TBC1D26: variants seen among roughly 807,000 people sequenced by gnomAD.
TBC1D26 encodes the protein TBC1 domain family, member 26.
In TBC1D26, 19 loss-of-function variants were observed where a neutral mutation model predicts 42.5. That is an observed-to-expected ratio of 0.45 (90% CI 0.31 to 0.66). The LOEUF (loss-of-function observed/expected upper bound fraction) is 0.66. TBC1D26 is among the 30% of genes least tolerant of loss of function. TBC1D26 has a pLI of 0.06. For synonymous variants in TBC1D26, 97 were observed against 123.5 expected (o/e 0.79, Z 1.42); for missense variants, 228 against 332.6 (o/e 0.69, Z 2.45).
At chr17:15,741,685 C>G in intron 10 of TBC1D26, 1 of 539,076 alleles carries the variant, frequency 1.9e-6, no homozygotes, top group South Asian at 2.4e-5. Flanking sequence ...CAGCTCCCAC[C>G]CTGTTCTCCC....
At chr17:15,740,872 T>C in intron 9 of TBC1D26, 3 of 634,498 alleles carry the variant, frequency 4.7e-6, no homozygotes, top group Non-Finnish European at 7.6e-6. Context: ...GACTGTGCCC[T>C]TTCGGGCCAT....
At chr17:15,741,895 A>G (rs1326366421) in intron 10 of TBC1D26, 47 bp from the exon 11 acceptor site, 2 of 1,596,764 alleles carry the variant, frequency 1.3e-6, no homozygotes, top group Admixed American at 3.4e-5. Context: ...ATGCCTCCAC[A>G]TTTTGGGCGT....
chr17:15,742,064 A>G lies in TBC1D26; in HGVS notation c.741+28A>G, dbSNP rs757103448. On this transcript the variant is annotated intron_variant, in intron 11 of 14. Transcript: ENST00000437605. ...GAGTGGATGACACCCTCAGCTCCTA[A>G]CCAGACGCCCTGGCCCCCATAGGCC... 13 of 1,602,582 alleles carry G rather than the reference A, an allele frequency of 8.1e-6. No homozygotes were observed. In the Admixed American group the frequency reaches 1.8e-4, roughly 23 times the overall value.
chr17:15,738,369 G>GA lies in TBC1D26; in HGVS notation c.371dup (p.Asn124LysfsTer6). 1.2e-6 allele frequency: 2 copies of GA among 1,613,724 alleles called. No homozygotes were observed. The highest frequency in any genetic ancestry group is 1.7e-6 in the Non-Finnish European group (2 of 1,180,040). On this transcript the variant is annotated frameshift_variant, in exon 7 of 15. Coordinates refer to ENST00000437605, the MANE Select transcript of TBC1D26 (RefSeq NM_001388465.1). LOFTEE classifies it high-confidence loss of function. ...TAGATATTGACAGAATCAAGTCCCAGAACCCAGGCAAATATAAGGTAAGTC... is the reference window on the plus strand; with the variant it reads ...TAGATATTGACAGAATCAAGTCCCAGAAACCCAGGCAAATATAAGGTAAGTC...
chr17:15,737,962 C>A (rs1172244833), intron 5 of TBC1D26, 35 bp from the exon 6 acceptor site: 12 of 1,613,764 alleles, frequency 7.4e-6, no homozygotes, highest in African/African-American at 1.3e-5. Context: ...AGACGCCTGG[C>A]AGCTCCGCTA....
At chr17:15,738,254 T>C in intron 6 of TBC1D26, 26 bp from the exon 7 acceptor site, 1 of 1,613,564 alleles carries the variant, frequency 6.2e-7, no homozygotes, top group Non-Finnish European at 8.5e-7. Context: ...ATGTCCTTTC[T>C]CACTGGAGTG....
chr17:15,741,780 A>G, intron 10 of TBC1D26, 162 bp from the exon 11 acceptor site: 1 of 649,026 alleles, frequency 1.5e-6, no homozygotes, highest in Non-Finnish European at 2.6e-6. Flanking sequence ...GCCTCCAGCC[A>G]GGGACCTCCT....
In TBC1D26 at chr17:15,744,664, A is replaced by G. The variant is rs779505434; in HGVS notation, c.*72A>G. On this transcript the variant is annotated 3_prime_UTR_variant, in exon 15 of 15. Transcript: ENST00000437605. ...TTTCAGAAGAAAATGTAGCTTTATTATAACATAGGAAAGACTGCAAGTTAT... is the reference window on the plus strand; with the variant it reads ...TTTCAGAAGAAAATGTAGCTTTATTGTAACATAGGAAAGACTGCAAGTTAT... 3.3e-5 allele frequency: 5 copies of G among 152,182 alleles called. No homozygotes were observed. The highest frequency in any genetic ancestry group is 7.3e-5 in the Non-Finnish European group (5 of 68,034). The allele number at this position is 152,182 out of a possible 1,614,324, so 9.4% of individuals were successfully genotyped here.
chr17:15,741,797 G>A, intron 10 of TBC1D26, 145 bp from the exon 11 acceptor site: 1 of 725,358 alleles, frequency 1.4e-6, no homozygotes, highest in Non-Finnish European at 2.3e-6. Context: ...TCCTCCCCAG[G>A]GCTGAGGCTA....
chr17:15,740,426 T>C, intron 9 of TBC1D26: 1 of 1,390,144 alleles, frequency 7.2e-7, no homozygotes, highest in Non-Finnish European at 9.3e-7. Flanking sequence ...GGATGGTCCT[T>C]GTAGGAGACA....
At chr17:15,738,246 G>C in intron 6 of TBC1D26, 34 bp from the exon 7 acceptor site, 1 of 1,613,220 alleles carries the variant, frequency 6.2e-7, no homozygotes. Context: ...GTCGCCCCAT[G>C]TCCTTTCTCA....
chr17:15,739,979 G>A, intron 8 of TBC1D26, 121 bp from the exon 9 acceptor site: 1 of 1,274,464 alleles, frequency 7.8e-7, no homozygotes, highest in South Asian at 1.5e-5. Context: ...AGAGCTCACT[G>A]CTTATTTGGG....
At chr17:15,739,793 C>T (rs370035551) in intron 8 of TBC1D26, among the ~76,000 whole-genome samples, 3 of 152,268 alleles carry the variant, frequency 2.0e-5, no homozygotes, top group Non-Finnish European at 4.4e-5. Flanking sequence ...AGTTCAGAAC[C>T]GTGGAACTGC....
In TBC1D26 at chr17:15,740,572, T is replaced by C. The variant is rs939429782; in HGVS notation, c.546+424T>C. 7.2e-6 allele frequency: 8 copies of C among 1,117,120 alleles called. No individual in the cohort carries two copies. In the African/African-American group the frequency reaches 9.6e-5, roughly 13 times the overall value. The allele number at this position is 1,117,120 out of a possible 1,614,324, so 69.2% of individuals were successfully genotyped here. A position where few individuals can be genotyped will look rare whatever the true frequency, so the allele number is the denominator to read the frequency against. On this transcript the variant is annotated intron_variant, in intron 9 of 14. Transcript: ENST00000437605. ...CCTTTGCCTGAACCCCATAGGAGCA[T>C]AGCAGATAGGGAGGGGGGTCACCCA...
chr17:15,741,842 C>T, intron 10 of TBC1D26, 100 bp from the exon 11 acceptor site: 2 of 1,158,746 alleles, frequency 1.7e-6, no homozygotes, highest in Non-Finnish European at 2.5e-6. Context: ...GGAGGGAGGC[C>T]TCGGGGTCTG....
In TBC1D26 at chr17:15,740,100, G is replaced by C. The variant is rs1313445653; in HGVS notation, c.498G>C (p.Lys166Asn). 6.2e-7 allele frequency: 1 copy of C among 1,611,110 alleles called. No individual in the cohort carries two copies. Among genetic ancestry groups the C allele is most frequent in the Non-Finnish European group, 8.5e-7 (1 of 1,178,466 alleles). ...AAACCCTCTTTCCCCTCTTTTCTAGGCAGCAGGAATTATGTGACATCCTCG... is the reference window on the plus strand; with the variant it reads ...AAACCCTCTTTCCCCTCTTTTCTAGCCAGCAGGAATTATGTGACATCCTCG... ...HMMFIQRFGV[K>N]QQELCDILVA... is the part of the protein sequence containing the mutation. Residue 166 changes from lysine to asparagine, a missense_variant and splice_region_variant, in exon 9 of 15, where the codon AAG (lysine) becomes AAC (asparagine). Around this residue, in one of 5 missense-constraint regions of TBC1D26, gnomAD observed 130 missense variants for 168.5 expected, o/e 0.77. Coordinates refer to ENST00000437605, the MANE Select transcript of TBC1D26 (RefSeq NM_001388465.1).
rs1967847117 is a variant in TBC1D26 at position 15,743,487 on chromosome 17, C to G, written c.1028C>G (p.Thr343Arg). The G allele has an allele frequency of 1.0e-6, 1 of 994,178 alleles. No homozygotes were observed. Among genetic ancestry groups the G allele is most frequent in the Admixed American group, 6.1e-5 (1 of 16,428 alleles). 61.6% of individuals were successfully genotyped at this position (994,178 alleles called of 1,614,324 possible). ...CTTCAAACCTCTATGAAGGAACTCACAAAAAAACACTGGGACCTGCCACCC... is the reference window on the plus strand; with the variant it reads ...CTTCAAACCTCTATGAAGGAACTCAGAAAAAAACACTGGGACCTGCCACCC... ...RNLQTSMKELTKKHWDLPPPG... is the reference protein window; with the variant it reads ...RNLQTSMKELRKKHWDLPPPG... Residue 343 changes from threonine to arginine, a missense_variant, in exon 14 of 15, where the codon ACA becomes AGA. Physicochemically the swap from Thr to Arg is moderately conservative, Grantham distance 71. Transcript: ENST00000437605.
intron 4 of TBC1D26, among the ~76,000 whole-genome samples, chr17:15,736,193 C>T (rs1311853827): frequency 4.6e-5 from 7 of 152,260 alleles, no homozygotes; most frequent in African/African-American, 1.7e-4. Flanking sequence ...GCCTGGGCTT[C>T]TCACTGAGGC....
At chr17:15,738,467 G>A (rs941739401) in intron 7 of TBC1D26, 80 bp downstream of exon 7, 28 of 1,537,556 alleles carry the variant, frequency 1.8e-5, no homozygotes, top group South Asian at 2.3e-5. Context: ...TGGAGGGAAC[G>A]TTGAGCCTGG....
Sources: gnomAD v4.1 joint callset for allele counts (sites outside exome capture counted in the v4.1 genomes callset) on GRCh38, gnomAD v4.1.1 for gene constraint, gnomAD v4.1.1 regional missense constraint, MANE v1.5 for transcripts, NCBI Gene and HGNC (gene_info 2026-07-23, HGNC 2026-07-21) for gene names.